The following HECW1 variants were observed in gnomAD, a reference collection of about 807,000 sequenced individuals.
HECW1 encodes E3 ubiquitin-protein ligase HECW1.
HECW1 carries 61 observed loss-of-function variants against 182.3 expected under a neutral mutation model. The ratio of observed to expected loss-of-function variants is 0.33; its 90% confidence interval spans 0.27 to 0.41. The LOEUF is 0.41. HECW1 is among the 10% of genes least tolerant of loss of function. The pLI is 1.00. For missense variants in HECW1, 1,739 were observed against 2,108.9 expected (o/e 0.82, Z 3.44); for synonymous variants, 859 against 832.6 (o/e 1.03, Z -0.55).
At chr7:43,281,057 C>T (rs1356792513) in intron 3 of HECW1, among the ~76,000 whole-genome samples, 1 of 152,150 alleles carries the variant, frequency 6.6e-6, no homozygotes, top group African/African-American at 2.4e-5. Flanking sequence ...ATCCTGCACT[C>T]ATTGACTGGG....
intron 2 of HECW1, among the ~76,000 whole-genome samples, chr7:43,180,347 A>C (rs1260623185): frequency 6.6e-6 from 1 of 151,862 alleles, no homozygotes. Context: ...AAATTGACTT[A>C]TATTTTTATT....
intron 24 of HECW1, among the ~76,000 whole-genome samples, chr7:43,513,947 C>T (rs536482421): frequency 1.3e-5 from 2 of 152,292 alleles, no homozygotes; most frequent in African/African-American, 4.8e-5. Flanking sequence ...ACAGCCCCTG[C>T]GAGACCTGGC....
At chr7:43,191,617 A>G (rs1479836139) in intron 2 of HECW1, among the ~76,000 whole-genome samples, 1 of 152,186 alleles carries the variant, frequency 6.6e-6, no homozygotes, top group Non-Finnish European at 1.5e-5. Context: ...TTTAGCATAT[A>G]TGATCAATTC....
At chr7:43,458,083 A>G (rs1352708879) in intron 13 of HECW1, among the ~76,000 whole-genome samples, 1 of 152,200 alleles carries the variant, frequency 6.6e-6, no homozygotes, top group Admixed American at 6.5e-5. Context: ...CCAAAAATCC[A>G]TGGGAGAGTC....
chr7:43,365,613 T>G (rs1007690991), intron 6 of HECW1, among the ~76,000 whole-genome samples: 3 of 152,248 alleles, frequency 2.0e-5, no homozygotes, highest in Non-Finnish European at 4.4e-5. Context: ...ATTCTTATTC[T>G]TACCTCAGAT....
At chr7:43,505,384 GA>G (rs1225217011) in intron 21 of HECW1, among the ~76,000 whole-genome samples, 1 of 152,142 alleles carries the variant, frequency 6.6e-6, no homozygotes, top group African/African-American at 2.4e-5. Context: ...TGAGCTCTTT[GA>G]ATCCCCCTTG....
chr7:43,404,090 T>C (rs2152842644), intron 7 of HECW1, among the ~76,000 whole-genome samples: 1 of 152,366 alleles, frequency 6.6e-6, no homozygotes, highest in East Asian at 1.9e-4. Flanking sequence ...TAAATTGGTT[T>C]ACTCAAAGTT....
chr7:43,265,661 C>A (rs1801698055), intron 3 of HECW1, among the ~76,000 whole-genome samples: 2 of 152,182 alleles, frequency 1.3e-5, no homozygotes, highest in South Asian at 4.1e-4. Flanking sequence ...AACTGGGTAT[C>A]CAACAATTCA....
At chr7:43,299,772 C>T (rs947041867) in intron 3 of HECW1, among the ~76,000 whole-genome samples, 1 of 152,250 alleles carries the variant, frequency 6.6e-6, no homozygotes, top group South Asian at 2.1e-4. Flanking sequence ...GATTCCTCCA[C>T]ACTCCCAGCC....
At chr7:43,462,205 C>A (rs2077609789) in intron 13 of HECW1, among the ~76,000 whole-genome samples, 1 of 151,996 alleles carries the variant, frequency 6.6e-6, no homozygotes, top group Non-Finnish European at 1.5e-5. Context: ...TCCTCTTCAC[C>A]CCCTCCCTCC....
At chr7:43,519,254 T>TC (rs1273546722) in intron 24 of HECW1, among the ~76,000 whole-genome samples, 2 of 146,330 alleles carry the variant, frequency 1.4e-5, no homozygotes, top group Non-Finnish European at 3.0e-5. Context: ...AGTGCAGACT[T>TC]TTTTTTTTTT....
At chr7:43,363,980 A>G (rs553050071) in intron 6 of HECW1, among the ~76,000 whole-genome samples, 1 of 152,188 alleles carries the variant, frequency 6.6e-6, no homozygotes, top group Non-Finnish European at 1.5e-5. Context: ...ACAGTTTCTA[A>G]GGGGAAATGC....
chr7:43,316,963 A>G (rs1250337714), intron 4 of HECW1, among the ~76,000 whole-genome samples: 2 of 151,136 alleles, frequency 1.3e-5, no homozygotes, highest in Non-Finnish European at 2.9e-5. Flanking sequence ...CAAGATCGGG[A>G]AGGTGAATAT....
intron 3 of HECW1, among the ~76,000 whole-genome samples, chr7:43,253,124 G>A (rs1427863537): frequency 2.8e-5 from 4 of 141,290 alleles, no homozygotes; most frequent in East Asian, 2.0e-4. Flanking sequence ...TCAAACATCC[G>A]CACTTTAAAA....
In HECW1 at chr7:43,243,130, T is replaced by G. The variant is rs1799043808; in HGVS notation, c.-31-745T>G. Among the ~76,000 whole-genome samples, 1 of 152,126 alleles carries G rather than the reference T, an allele frequency of 6.6e-6. No individual in the cohort carries two copies. Among genetic ancestry groups the G allele is most frequent in the African/African-American group, 2.4e-5 (1 of 41,412 alleles). ...TGATTATTTTCATGGTGACTGTAACTCCCAAGGAAGATGAGGTTATAAAAT... is the reference window on the plus strand; with the variant it reads ...TGATTATTTTCATGGTGACTGTAACGCCCAAGGAAGATGAGGTTATAAAAT... On this transcript the variant is annotated intron_variant, in intron 2 of 29. Coordinates refer to ENST00000395891, the MANE Select transcript of HECW1 (RefSeq NM_015052.5). The surrounding 1 kb of genome is among the most constrained non-coding windows in gnomAD (Gnocchi z 4.0).
chr7:43,299,676 C>A (rs1463699902), intron 3 of HECW1, among the ~76,000 whole-genome samples: 1 of 152,162 alleles, frequency 6.6e-6, no homozygotes, highest in African/African-American at 2.4e-5. Context: ...GTAAGTGTCG[C>A]CTGAGACGTT....
intron 2 of HECW1, among the ~76,000 whole-genome samples, chr7:43,145,357 G>A (rs934128788): frequency 6.6e-6 from 1 of 152,172 alleles, no homozygotes; most frequent in Non-Finnish European, 1.5e-5. Flanking sequence ...GTGCAGTGGT[G>A]TGATCTGACC....
intron 24 of HECW1, among the ~76,000 whole-genome samples, chr7:43,525,845 G>A (rs2080735257): frequency 6.6e-6 from 1 of 152,192 alleles, no homozygotes; most frequent in East Asian, 1.9e-4. Context: ...ACCTTTAGGG[G>A]TACAGAGGAG....
chr7:43,229,328 A>T (rs1019444875), intron 2 of HECW1, among the ~76,000 whole-genome samples: 1 of 152,216 alleles, frequency 6.6e-6, no homozygotes, highest in Non-Finnish European at 1.5e-5. Flanking sequence ...AACTCTGTTT[A>T]AAAAGAGACC....
Sources: allele counts gnomAD v4.1 joint callset (sites outside exome capture counted in the v4.1 genomes callset), GRCh38; gene constraint gnomAD v4.1.1; non-coding constraint Gnocchi (gnomAD v3.1); transcripts MANE v1.5; gene names NCBI Gene and HGNC (gene_info 2026-07-23, HGNC 2026-07-21).